The following GRIK1 variants were observed in gnomAD, a reference collection of about 807,000 sequenced individuals.
The protein encoded by GRIK1 is glutamate receptor ionotropic, kainate 1.
In GRIK1, 69 loss-of-function variants were observed where a neutral mutation model predicts 105.7. That is an observed-to-expected ratio of 0.65 (90% confidence interval 0.54 to 0.80). The LOEUF (loss-of-function observed/expected upper bound fraction) is 0.80. Among genes scored for constraint, GRIK1 ranks in the 30% least tolerant of loss-of-function variants. GRIK1 has a pLI of 0.00. For synonymous variants in GRIK1, 438 were observed against 431.3 expected, an observed-to-expected ratio of 1.02 and a Z score of -0.19; for missense variants, 1,109 against 1,167.3, an observed-to-expected ratio of 0.95 and a Z score of 0.73.
intron 1 of GRIK1, among the ~76,000 whole-genome samples, chr21:29,872,477 T>C (rs1416864078): frequency 6.6e-6 from 1 of 152,124 alleles, no homozygotes; most frequent in African/African-American, 2.4e-5. Flanking sequence ...ACACGCAAAT[T>C]ATACAGCATC....
chr21:29,932,690 A>T (rs987370223), intron 1 of GRIK1, among the ~76,000 whole-genome samples: 1 of 152,028 alleles, frequency 6.6e-6, no homozygotes, highest in African/African-American at 2.4e-5. Flanking sequence ...AATCAAGATA[A>T]CAAATTAATA....
chr21:29,932,864 T>G (rs1346968309), intron 1 of GRIK1, among the ~76,000 whole-genome samples: 3 of 151,736 alleles, frequency 2.0e-5, no homozygotes, highest in Non-Finnish European at 2.9e-5. Flanking sequence ...GAAAAGATAT[T>G]TTAAGTCTAA....
At chr21:29,807,413 G>T (rs2066894865) in intron 1 of GRIK1, among the ~76,000 whole-genome samples, 2 of 152,076 alleles carry the variant, frequency 1.3e-5, no homozygotes, top group South Asian at 2.1e-4. Flanking sequence ...GGCAAGTGAG[G>T]ACGGTCATTC....
intron 1 of GRIK1, among the ~76,000 whole-genome samples, chr21:29,882,036 G>C (rs989989968): frequency 2.0e-5 from 3 of 152,052 alleles, no homozygotes; most frequent in African/African-American, 7.2e-5. Context: ...CAGATGGTTG[G>C]GGTAAAGGTA....
chr21:29,834,692 T>A (rs2067733257), intron 1 of GRIK1, among the ~76,000 whole-genome samples: 2 of 151,306 alleles, frequency 1.3e-5, no homozygotes, highest in African/African-American at 2.4e-5. Flanking sequence ...ACATCATAGT[T>A]CTTGAAAGTG....
chr21:29,805,150 C>A (rs903006491), intron 1 of GRIK1, among the ~76,000 whole-genome samples: 4 of 152,128 alleles, frequency 2.6e-5, no homozygotes, highest in African/African-American at 9.7e-5. Context: ...CCCTCCACCC[C>A]CTGCAGCCAC....
intron 4 of GRIK1, among the ~76,000 whole-genome samples, chr21:29,670,761 A>C (rs1052371486): frequency 2.0e-5 from 3 of 152,198 alleles, no homozygotes; most frequent in Non-Finnish European, 2.9e-5. Flanking sequence ...TGACCCACAC[A>C]CTTCATTACA....
At chr21:29,647,645 A>G (rs529506240) in intron 6 of GRIK1, among the ~76,000 whole-genome samples, 1 of 152,338 alleles carries the variant, frequency 6.6e-6, no homozygotes, top group South Asian at 2.1e-4. Flanking sequence ...ATTTTGGTCC[A>G]CTGAGAAGGA....
intron 13 of GRIK1, among the ~76,000 whole-genome samples, chr21:29,579,256 CTATTTT>C (rs1394368610): frequency 6.6e-6 from 1 of 152,102 alleles, no homozygotes; most frequent in Non-Finnish European, 1.5e-5. Flanking sequence ...TTCATGTTTT[CTATTTT>C]TATCTAATTT....
intron 7 of GRIK1, among the ~76,000 whole-genome samples, chr21:29,601,970 T>C (rs1315376199): frequency 1.3e-5 from 2 of 152,218 alleles, no homozygotes; most frequent in Non-Finnish European, 2.9e-5. Flanking sequence ...CTTCTGTCAC[T>C]CGTTTCTCTC....
intron 6 of GRIK1, 23 bp from the exon 7 acceptor site, chr21:29,642,992 C>T (rs756419371): frequency 3.1e-6 from 5 of 1,607,394 alleles, no homozygotes; most frequent in Non-Finnish European, 4.3e-6. Flanking sequence ...ACACACACCG[C>T]ATCTTAAATT....
chr21:29,650,287 A>C (rs1323456013), intron 6 of GRIK1, among the ~76,000 whole-genome samples: 1 of 152,232 alleles, frequency 6.6e-6, no homozygotes, highest in East Asian at 1.9e-4. Context: ...CTTAAAAGCG[A>C]GAGTGCGTCT....
At chr21:29,867,509 G>A (rs939530225) in intron 1 of GRIK1, among the ~76,000 whole-genome samples, 5 of 152,106 alleles carry the variant, frequency 3.3e-5, no homozygotes, top group Admixed American at 1.3e-4. Flanking sequence ...AAAAAGCTAC[G>A]AAGGGCCAGG....
chr21:29,861,989 C>G (rs774866517), intron 1 of GRIK1, among the ~76,000 whole-genome samples: 18 of 152,004 alleles, frequency 1.2e-4, no homozygotes, highest in Admixed American at 5.2e-4. Context: ...ATAATTATTA[C>G]TTATATTTAA....
chr21:29,550,664 C>T (rs1242705850), intron 16 of GRIK1, among the ~76,000 whole-genome samples: 2 of 152,172 alleles, frequency 1.3e-5, no homozygotes, highest in Non-Finnish European at 2.9e-5. Flanking sequence ...ACAAGAAAAA[C>T]TGCTCTTAGA....
intron 1 of GRIK1, among the ~76,000 whole-genome samples, chr21:29,842,510 A>G (rs571618795): frequency 9.2e-5 from 14 of 152,306 alleles, no homozygotes; most frequent in Admixed American, 3.9e-4. Flanking sequence ...AGTTAATTTA[A>G]GATTGTTAAC....
chr21:29,699,760 T>C (rs1244653032), intron 1 of GRIK1, among the ~76,000 whole-genome samples: 6 of 151,982 alleles, frequency 3.9e-5, no homozygotes, highest in Non-Finnish European at 7.4e-5. Context: ...GAAATTCTCC[T>C]GCCTCAGCCT....
intron 6 of GRIK1, among the ~76,000 whole-genome samples, chr21:29,644,322 G>T (rs190036651): frequency 1.3e-3 from 204 of 152,030 alleles, no homozygotes; most frequent in African/African-American, 4.5e-3. Flanking sequence ...TAAGAATATT[G>T]GTTTTTTGAA....
intron 16 of GRIK1, among the ~76,000 whole-genome samples, chr21:29,544,613 A>G (rs747847651): frequency 1.3e-5 from 2 of 152,190 alleles, no homozygotes; most frequent in Non-Finnish European, 2.9e-5. Flanking sequence ...TGGAGCTTTG[A>G]GCTTTTTAAA....
Sources: allele counts gnomAD v4.1 joint callset (sites outside exome capture counted in the v4.1 genomes callset), GRCh38; gene constraint gnomAD v4.1.1; transcripts MANE v1.5; gene names NCBI Gene and HGNC (gene_info 2026-07-23, HGNC 2026-07-21).